GRIN3A: variants seen among roughly 807,000 people sequenced by gnomAD.
GRIN3A encodes glutamate receptor ionotropic, NMDA 3A.
GRIN3A carries 47 observed loss-of-function variants against 92.4 expected under a neutral mutation model. The observed-to-expected ratio is 0.51, with a 90% CI of 0.40 to 0.65. The LOEUF (loss-of-function observed/expected upper bound fraction) is 0.65. GRIN3A is among the 30% of genes least tolerant of loss of function. The probability of loss-of-function intolerance (pLI) is 0.00; values close to 1 mark genes in which losing one functional copy is unlikely to be tolerated. For missense variants in GRIN3A, 1,324 were observed against 1,393.1 expected, an observed-to-expected ratio of 0.95 and a Z score of 0.79; for synonymous variants, 527 against 540.6, an observed-to-expected ratio of 0.97 and a Z score of 0.35.
chr9:101,678,541 T>C (rs1829427826), intron 2 of GRIN3A, among the ~76,000 whole-genome samples: 1 of 152,182 alleles, frequency 6.6e-6, no homozygotes, highest in African/African-American at 2.4e-5. Flanking sequence ...AATTTAGTAA[T>C]ATATTAAACA....
intron 5 of GRIN3A, among the ~76,000 whole-genome samples, chr9:101,619,772 G>A (rs896945249): frequency 2.0e-5 from 3 of 152,288 alleles, no homozygotes; most frequent in South Asian, 2.1e-4. Flanking sequence ...GTGCAGTTAC[G>A]TTACTCTTTC....
rs114998988 is a variant in GRIN3A at position 101,636,173 on chromosome 9, G to A, written c.2353-7772C>T. On this transcript the variant is annotated intron_variant, in intron 3 of 8. Coordinates refer to ENST00000361820, the MANE Select transcript of GRIN3A (RefSeq NM_133445.3). ...ATTGGGATTACAGGCGTGAGCCACC[G>A]CACTCACTTTAGCTGAGTTTTGTTC... Among the ~76,000 whole-genome samples, 1,405 of 152,184 alleles carry A rather than the reference G, an allele frequency of 9.2e-3. 16 individuals are homozygous for A. The highest frequency in any genetic ancestry group is 0.031 in the African/African-American group (1,303 of 41,516).
rs1301746116 is a variant in GRIN3A at position 101,572,270 on chromosome 9, CA to C, written c.*903del. On this transcript the variant is annotated 3_prime_UTR_variant, in exon 9 of 9. Transcript: ENST00000361820. ...ATTTCACCCACAGTGTCACATATTC[CA>C]TTATAGGCAATAAGGGATATTCCAG... 1.2e-4 allele frequency: 19 copies of C among 152,604 alleles called. No individual in the cohort carries two copies. The highest frequency in any genetic ancestry group is 1.2e-3 in the Admixed American group (19 of 15,278). 9.5% of individuals were successfully genotyped at this position (152,604 alleles called of 1,614,324 possible). A position where few individuals can be genotyped will look rare whatever the true frequency, so the allele number is the denominator to read the frequency against.
intron 5 of GRIN3A, among the ~76,000 whole-genome samples, chr9:101,621,091 C>A (rs1828547477): frequency 6.6e-6 from 1 of 151,952 alleles, no homozygotes; most frequent in Non-Finnish European, 1.5e-5. Context: ...TTGAGACCAG[C>A]CTGGCCAACA....
chr9:101,630,330 A>G (rs1828694413), intron 3 of GRIN3A, among the ~76,000 whole-genome samples: 1 of 152,196 alleles, frequency 6.6e-6, no homozygotes, highest in African/African-American at 2.4e-5. Context: ...ACAACAATAG[A>G]GAAACATAAC....
At chr9:101,594,603 T>C in intron 6 of GRIN3A, 1 of 1,614,172 alleles carries the variant, frequency 6.2e-7, no homozygotes, top group Non-Finnish European at 8.5e-7. Context: ...CCGTTGGAAA[T>C]GTAGCCATCT....
At chr9:101,708,726 T>C (rs1829839974) in intron 1 of GRIN3A, among the ~76,000 whole-genome samples, 1 of 152,224 alleles carries the variant, frequency 6.6e-6, no homozygotes, top group Non-Finnish European at 1.5e-5. Context: ...TGCGTTTCTA[T>C]GGCTAGCCTG....
intron 3 of GRIN3A, among the ~76,000 whole-genome samples, chr9:101,652,007 G>C (rs936283637): frequency 6.6e-6 from 1 of 151,914 alleles, no homozygotes; most frequent in Non-Finnish European, 1.5e-5. Flanking sequence ...TACAACTCTG[G>C]AATTATAGGC....
intron 2 of GRIN3A, among the ~76,000 whole-genome samples, chr9:101,677,624 C>A (rs931634742): frequency 2.0e-5 from 3 of 151,870 alleles, no homozygotes; most frequent in African/African-American, 7.3e-5. Context: ...CCTAGGGAAC[C>A]TTTCTGTACT....
At chr9:101,685,103 A>G (rs1381801458) in intron 2 of GRIN3A, among the ~76,000 whole-genome samples, 1 of 152,154 alleles carries the variant, frequency 6.6e-6, no homozygotes, top group African/African-American at 2.4e-5. Flanking sequence ...TTTTATTACT[A>G]ATAGATTTGT....
intron 5 of GRIN3A, among the ~76,000 whole-genome samples, chr9:101,617,243 A>AAGAGATTG (rs963974570): frequency 1.7e-4 from 26 of 150,292 alleles, no homozygotes; most frequent in African/African-American, 5.2e-4. Flanking sequence ...TCAAAGGAAC[A>AAGAGATTG]AGAGATTGGT....
intron 4 of GRIN3A, among the ~76,000 whole-genome samples, chr9:101,625,616 A>T (rs774324685): frequency 2.0e-5 from 3 of 152,190 alleles, no homozygotes; most frequent in Non-Finnish European, 4.4e-5. Context: ...AGTTACAATG[A>T]GGCCCAAATT....
Position 101,670,225 on chromosome 9 carries a change from G to T in GRIN3A, c.2187C>A (p.Gly729=). ...TTGGAGGTTTGATGGCCACTGTTCTGCCAAACAAGAGGGCATAACAGATGT... is the reference window on the plus strand; with the variant it reads ...TTGGAGGTTTGATGGCCACTGTTCTTCCAAACAAGAGGGCATAACAGATGT... ...ALNICYALLF[G]RTVAIKPPKC... is the part of the protein sequence containing the mutation. Residue 729 remains glycine, a synonymous_variant, in exon 3 of 9, where the codon GGC becomes GGA. Transcript: ENST00000361820. 6.2e-7 allele frequency: 1 copy of T among 1,613,998 alleles called. No homozygotes were observed.
intron 7 of GRIN3A, among the ~76,000 whole-genome samples, chr9:101,578,186 A>G (rs1478550539): frequency 6.6e-6 from 1 of 152,212 alleles, no homozygotes; most frequent in African/African-American, 2.4e-5. Context: ...TATATAATTA[A>G]TTGACAACCA....
At chr9:101,649,388 C>A (rs1360199252) in intron 3 of GRIN3A, among the ~76,000 whole-genome samples, 2 of 151,968 alleles carry the variant, frequency 1.3e-5, no homozygotes, top group Non-Finnish European at 2.9e-5. Flanking sequence ...CAGTGCCCTG[C>A]TTTTTGAATC....
At chr9:101,683,260 GC>G (rs745530345) in intron 2 of GRIN3A, among the ~76,000 whole-genome samples, 18 of 152,254 alleles carry the variant, frequency 1.2e-4, no homozygotes, top group Non-Finnish European at 2.2e-4. Flanking sequence ...AGTTCTGTCA[GC>G]CCAAACTGAA....
intron 7 of GRIN3A, among the ~76,000 whole-genome samples, chr9:101,578,979 G>A (rs117142729): frequency 1.3e-5 from 2 of 152,304 alleles, no homozygotes; most frequent in African/African-American, 2.4e-5. Flanking sequence ...ACAGTGGAGG[G>A]TTATAGGAAA....
intron 6 of GRIN3A, chr9:101,594,796 C>A: frequency 6.2e-7 from 1 of 1,613,250 alleles, no homozygotes; most frequent in Non-Finnish European, 8.5e-7. Context: ...GGGACATGAA[C>A]TCCTCCACGC....
At chr9:101,633,608 C>A (rs898429709) in intron 3 of GRIN3A, among the ~76,000 whole-genome samples, 2 of 152,184 alleles carry the variant, frequency 1.3e-5, no homozygotes, top group Non-Finnish European at 2.9e-5. Context: ...GTAAGGTCAG[C>A]AGCGGCATGA....
Sources: allele counts gnomAD v4.1 joint callset (sites outside exome capture counted in the v4.1 genomes callset), GRCh38; gene constraint gnomAD v4.1.1; transcripts MANE v1.5; gene names NCBI Gene and HGNC (gene_info 2026-07-23, HGNC 2026-07-21).